Variants in PLA2G5 observed in about 807,000 individuals in gnomAD.
The protein encoded by PLA2G5 is phospholipase A2 group V, also known as Ca2+-dependent phospholipase A2.
In PLA2G5, 12 loss-of-function variants were observed where a neutral mutation model predicts 15.9. The ratio of observed to expected loss-of-function variants is 0.76; its 90% CI spans 0.48 to 1.23. The LOEUF is 1.23. Ranked by LOEUF, PLA2G5 falls within the 50% of genes most tolerant of loss-of-function variation. The probability of loss-of-function intolerance (pLI) is 0.00; values close to 1 mark genes in which losing one functional copy is unlikely to be tolerated. For synonymous variants in PLA2G5, 71 were observed against 71.4 expected (o/e 0.99, Z 0.03); for missense variants, 169 against 177.1 (o/e 0.95, Z 0.26).
At chr1:20,070,493 T>C (rs1269811393) in intron 1 of PLA2G5, 28 bp downstream of exon 1, 1 of 981,826 alleles carries the variant, frequency 1.0e-6, no homozygotes, top group African/African-American at 1.8e-5. Context: ...GCTGCATAAA[T>C]TGGGGGTTGT....
At chr1:20,071,918 G>A (rs1420991301) in intron 1 of PLA2G5, among the ~76,000 whole-genome samples, 1 of 152,076 alleles carries the variant, frequency 6.6e-6, no homozygotes, top group Non-Finnish European at 1.5e-5. Flanking sequence ...GACCAATCTG[G>A]CCAACATGGT....
At chr1:20,042,654 G>A (rs1621268) in intron 1 of PLA2G5, among the ~76,000 whole-genome samples, 133,100 of 152,066 alleles carry the variant, frequency 0.88, 59,317 homozygotes, top group East Asian at 1. Context: ...GTGAGTTTAT[G>A]TAATGGTTTA....
chr1:20,053,509 G>T (rs1339673628), intron 1 of PLA2G5, among the ~76,000 whole-genome samples: 1 of 136,970 alleles, frequency 7.3e-6, no homozygotes, highest in Non-Finnish European at 1.5e-5. Flanking sequence ...ATTTCTTTGT[G>T]ATTGTATTCT....
Position 20,071,426 on chromosome 1 carries a change from A to G in PLA2G5, c.-11+961A>G, listed in dbSNP as rs138616396. Among the ~76,000 whole-genome samples the G allele has an allele frequency of 1.4e-3, 219 of 152,250 alleles. 1 individual carries two copies. The highest frequency in any genetic ancestry group is 4.9e-3 in the African/African-American group (203 of 41,530). On this transcript the variant is annotated intron_variant, in intron 1 of 4. Transcript: ENST00000375108. ...TTGATTTCATCAATAAATATGTATC[A>G]TGCCCTACACTGAGCACTGGAGATG...
chr1:20,075,145 G>GT (rs1355320545), intron 1 of PLA2G5, among the ~76,000 whole-genome samples: 12 of 152,214 alleles, frequency 7.9e-5, no homozygotes, highest in Non-Finnish European at 1.5e-5. Context: ...TCCTTGTGCA[G>GT]TTCAGCTTTG....
chr1:20,054,041 A>C (rs757722818), intron 1 of PLA2G5, among the ~76,000 whole-genome samples: 1 of 152,186 alleles, frequency 6.6e-6, no homozygotes, highest in Non-Finnish European at 1.5e-5. Flanking sequence ...TGCTGTTTGG[A>C]CCATGTTCCT....
At chr1:20,059,338 G>T (rs2014587826) in intron 1 of PLA2G5, among the ~76,000 whole-genome samples, 1 of 152,008 alleles carries the variant, frequency 6.6e-6, no homozygotes. Context: ...TCAAGTGGGA[G>T]GATAGCTTGA....
chr1:20,080,019 A>T (rs1322526850), intron 1 of PLA2G5, among the ~76,000 whole-genome samples: 2 of 152,162 alleles, frequency 1.3e-5, no homozygotes, highest in African/African-American at 4.8e-5. Flanking sequence ...GAACAAGAGG[A>T]AGAGGACGGG....
upstream of PLA2G5, among the ~76,000 whole-genome samples, chr1:20,068,138 TA>T (rs2015149925): frequency 6.6e-6 from 1 of 151,834 alleles, no homozygotes; most frequent in Non-Finnish European, 1.5e-5. Flanking sequence ...AAATAAAAAA[TA>T]AATACATAAA....
At chr1:20,081,862 G>C (rs2016046814) in intron 1 of PLA2G5, among the ~76,000 whole-genome samples, 1 of 151,790 alleles carries the variant, frequency 6.6e-6, no homozygotes, top group South Asian at 2.1e-4. Context: ...GACCATCCTG[G>C]CTAACATGGT....
upstream of PLA2G5, chr1:20,068,907 C>A (rs1361526889): frequency 7.8e-7 from 1 of 1,286,238 alleles, no homozygotes; most frequent in Non-Finnish European, 1.0e-6. Context: ...ACACACTCCC[C>A]CCTACGTCCT....
intron 1 of PLA2G5, among the ~76,000 whole-genome samples, chr1:20,050,378 C>A (rs1325979974): frequency 6.6e-6 from 1 of 152,112 alleles, no homozygotes; most frequent in Non-Finnish European, 1.5e-5. Context: ...GGCCCAGAGA[C>A]TATCATGGAA....
At chr1:20,063,119 G>A (rs2100482516) in intron 2 of PLA2G5, among the ~76,000 whole-genome samples, 1 of 152,160 alleles carries the variant, frequency 6.6e-6, no homozygotes, top group East Asian at 1.9e-4. Flanking sequence ...TGGGAGCCCG[G>A]GAGTTCAAGG....
rs1028094227 is a variant in PLA2G5, at chr1:20,090,904, C to T, written c.*212C>T. On this transcript the variant is annotated 3_prime_UTR_variant, in exon 5 of 5. Transcript: ENST00000375108. ...AGGACTTGGTAGGGTCCCAGGGTCC[C>T]TAGGCCTCCACTTCTGAGGGCAGCC... is the stretch of plus-strand genomic sequence containing the variant. 2.0e-6 allele frequency: 1 copy of T among 511,982 alleles called. No homozygotes were observed. The highest frequency in any genetic ancestry group is 3.5e-6 in the Non-Finnish European group (1 of 287,376). 31.7% of individuals were successfully genotyped at this position (511,982 alleles called of 1,614,324 possible).
rs114565995 is a variant in PLA2G5 at position 20,035,367 on chromosome 1, C to T, written n.276+6658C>T. ...CAGGATGAGAGTTTTGGCCCTTTTC[C>T]GGCAGAATGTGGTGTTCCTTGCATT... On this transcript the variant is annotated intron_variant and non_coding_transcript_variant, in intron 1 of 6. Transcript: ENST00000460175. Among the ~76,000 whole-genome samples the T allele has an allele frequency of 8.6e-3, 1,307 of 152,152 alleles. 8 individuals carry two copies. The highest frequency in any genetic ancestry group is 0.014 in the Admixed American group (218 of 15,282).
rs2016525641 is a variant in PLA2G5, at chr1:20,090,667, A to G, written c.392A>G (p.Tyr131Cys). The G allele has an allele frequency of 1.9e-6, 3 of 1,613,926 alleles. No homozygotes were observed. Among genetic ancestry groups the G allele is most frequent in the Non-Finnish European group, 1.7e-6 (2 of 1,179,926 alleles). The change falls in exon 5 of 5, where the codon TAC becomes TGC. Residue 131 changes from tyrosine to cysteine, a missense_variant. Transcript: ENST00000375108. Reference protein sequence around the residue: ...NLRSYNPQYQYFPNILCS With the variant: ...NLRSYNPQYQCFPNILCS Reference sequence around the variant, plus strand: ...CGGAGCTACAACCCACAGTACCAATACTTTCCCAACATCCTCTGCTCCTAG... The same window carrying G: ...CGGAGCTACAACCCACAGTACCAATGCTTTCCCAACATCCTCTGCTCCTAG...
intron 1 of PLA2G5, among the ~76,000 whole-genome samples, chr1:20,049,065 G>A (rs562825957): frequency 5.2e-4 from 79 of 152,160 alleles, no homozygotes; most frequent in African/African-American, 1.8e-3. Flanking sequence ...AAATAAGAGA[G>A]GTTTAAGGAA....
intron 2 of PLA2G5, 37 bp downstream of exon 2, chr1:20,084,907 AC>A: frequency 3.4e-6 from 5 of 1,469,832 alleles, no homozygotes; most frequent in Non-Finnish European, 4.8e-6. Context: ...ATGAACTTTT[AC>A]CCCATGGGAG....
rs1341936321 is a variant in PLA2G5, at chr1:20,032,853, G to GAA, written n.276+4145_276+4146dup. Among the ~76,000 whole-genome samples the GAA allele has an allele frequency of 3.9e-5, 6 of 152,164 alleles. No homozygotes were observed. The East Asian group carries it at 5.8e-4, about 15-fold the overall frequency. On this transcript the variant is annotated intron_variant and non_coding_transcript_variant, in intron 1 of 6. Transcript: ENST00000460175. ...TTTAAGGGGTGCCTGCCAGGCTGCT[G>GAA]AATTTGCTAAGAAGTTTTCATTGGT...
Sources: gnomAD v4.1 joint callset for allele counts (sites outside exome capture counted in the v4.1 genomes callset) on GRCh38, gnomAD v4.1.1 for gene constraint, MANE v1.5 for transcripts, NCBI Gene and HGNC (gene_info 2026-07-23, HGNC 2026-07-21) for gene names.